LRRC8D: variants seen among roughly 807,000 people sequenced by gnomAD.
LRRC8D encodes the protein leucine rich repeat containing 8 VRAC subunit D, also known as volume-regulated anion channel subunit LRRC8D.
Under a neutral mutation model 55.8 loss-of-function variants are expected in LRRC8D, and 20 were observed. The observed-to-expected ratio is 0.36, with a 90% confidence interval of 0.25 to 0.52. LRRC8D has a LOEUF of 0.52. Ranked by LOEUF, LRRC8D falls within the 20% of genes least tolerant of loss-of-function variation. LRRC8D has a pLI of 0.93. For missense variants in LRRC8D, 651 were observed against 1,030.8 expected (o/e 0.63, Z 5.05); for synonymous variants, 352 against 377.0 (o/e 0.93, Z 0.77).
At chr1:89,873,010 C>T (rs1662060121) in intron 2 of LRRC8D, among the ~76,000 whole-genome samples, 1 of 152,188 alleles carries the variant, frequency 6.6e-6, no homozygotes, top group Non-Finnish European at 1.5e-5. Flanking sequence ...TACAAGCAGG[C>T]TTTTAATCCA....
intron 2 of LRRC8D, among the ~76,000 whole-genome samples, chr1:89,894,286 G>C (rs1315666193): frequency 6.6e-6 from 1 of 152,210 alleles, no homozygotes; most frequent in African/African-American, 2.4e-5. Context: ...AAGGCACCCA[G>C]CCTGTGTAAT....
At chr1:89,920,967 G>C (rs1663402683) in intron 2 of LRRC8D, among the ~76,000 whole-genome samples, 1 of 152,172 alleles carries the variant, frequency 6.6e-6, no homozygotes, top group Non-Finnish European at 1.5e-5. Flanking sequence ...TAAGTCTCTT[G>C]CATGTTCTCC....
intron 2 of LRRC8D, among the ~76,000 whole-genome samples, chr1:89,907,507 C>T (rs1663027709): frequency 6.6e-6 from 1 of 152,046 alleles, no homozygotes; most frequent in South Asian, 2.1e-4. Context: ...TGTTTTAAAT[C>T]GTGTATTGCC....
rs377544331 is a variant in LRRC8D at position 89,910,368 on chromosome 1, A to T, written c.-2-22699A>T. 9.2e-5 allele frequency among the ~76,000 whole-genome samples: 14 copies of T among 152,300 alleles called. 1 individual carries two copies. Among genetic ancestry groups the T allele is most frequent in the Admixed American group, 3.3e-4 (5 of 15,300 alleles). ...GTTTGTGAGGATCAGATTAGTTGGA[A>T]TCCATGGAATTGTCTTTTAAAAAGT... On this transcript the variant is annotated intron_variant, in intron 2 of 2. Coordinates refer to ENST00000337338, the MANE Select transcript of LRRC8D (RefSeq NM_001134479.2).
intron 2 of LRRC8D, among the ~76,000 whole-genome samples, chr1:89,846,406 T>C (rs367731219): frequency 2.6e-5 from 4 of 152,030 alleles, no homozygotes; most frequent in East Asian, 1.9e-4. Flanking sequence ...CTCCAGTTTA[T>C]GGAGAGAGGA....
In LRRC8D at chr1:89,935,189, C is replaced by T; in HGVS notation, c.2121C>T (p.Asn707=). 2.5e-6 allele frequency: 4 copies of T among 1,614,170 alleles called. No individual in the cohort carries two copies. The highest frequency in any genetic ancestry group is 3.4e-6 in the Non-Finnish European group (4 of 1,180,016). ...TIPPSITHVK[N]LESLYFSNNK... ...CTCCCTCTATTACCCATGTCAAAAA[C>T]TTGGAGTCACTTTATTTCTCTAACA... is the stretch of plus-strand genomic sequence containing the variant. Residue 707 remains asparagine (N), a synonymous_variant, in exon 3 of 3, where the codon AAC becomes AAT. Coordinates refer to ENST00000337338, the MANE Select transcript of LRRC8D (RefSeq NM_001134479.2).
At chr1:89,883,869 G>A (rs1396917047) in intron 2 of LRRC8D, among the ~76,000 whole-genome samples, 1 of 152,156 alleles carries the variant, frequency 6.6e-6, no homozygotes, top group Non-Finnish European at 1.5e-5. Flanking sequence ...GAATCTGTCA[G>A]TGGAGAAACA....
chr1:89,922,849 T>C (rs565887502), intron 2 of LRRC8D, among the ~76,000 whole-genome samples: 1 of 152,328 alleles, frequency 6.6e-6, no homozygotes, highest in South Asian at 2.1e-4. Context: ...ATCTGGTTTC[T>C]TTATTTTAAC....
At chr1:89,884,631 G>A (rs757900013) in intron 2 of LRRC8D, among the ~76,000 whole-genome samples, 2 of 152,220 alleles carry the variant, frequency 1.3e-5, no homozygotes, top group Non-Finnish European at 2.9e-5. Flanking sequence ...AACTCTAGAA[G>A]CAGGGTGACC....
chr1:89,920,934 A>G (rs940673621), intron 2 of LRRC8D, among the ~76,000 whole-genome samples: 3 of 152,228 alleles, frequency 2.0e-5, no homozygotes, highest in South Asian at 2.1e-4. Flanking sequence ...ATTTCAATGA[A>G]AGATTTGAGA....
In LRRC8D at chr1:89,936,504, G is replaced by C. The variant is rs1399771977; in HGVS notation, c.*859G>C. 1 of 152,534 alleles carries C rather than the reference G, an allele frequency of 6.6e-6. No individual in the cohort carries two copies. The highest frequency in any genetic ancestry group is 2.4e-5 in the African/African-American group (1 of 41,432). The allele number at this position is 152,534 out of a possible 1,614,324, so 9.4% of individuals were successfully genotyped here. A position where few individuals can be genotyped will look rare whatever the true frequency, so the allele number is the denominator to read the frequency against. On this transcript the variant is annotated 3_prime_UTR_variant, in exon 3 of 3. Coordinates refer to ENST00000337338, the MANE Select transcript of LRRC8D (RefSeq NM_001134479.2). ...TTTGGAAGATAACACAGAATCACAA[G>C]TATCATTTAATTTCTTGCCCTTTTC...
At chr1:89,846,468 G>C (rs1420482552) in intron 2 of LRRC8D, 1 of 152,150 alleles carries the variant, frequency 6.6e-6, no homozygotes, top group Non-Finnish European at 1.5e-5. Flanking sequence ...AAATGGAGTT[G>C]TTGGGACCTG....
chr1:89,860,771 AAAAAAAAAAAAAAAATATATAT>A (rs1327571935), intron 2 of LRRC8D, among the ~76,000 whole-genome samples: 2 of 79,736 alleles, frequency 2.5e-5, no homozygotes, highest in African/African-American at 8.0e-5. Context: ...AAAAAAAAAA[AAAAAAAAAAAAAAAATATATAT>A]ATATATATAT....
chr1:89,854,776 G>A (rs902988735), intron 2 of LRRC8D, among the ~76,000 whole-genome samples: 1 of 152,146 alleles, frequency 6.6e-6, no homozygotes, highest in African/African-American at 2.4e-5. Context: ...AGAGCCTTTG[G>A]GAAGTTGACA....
intron 2 of LRRC8D, among the ~76,000 whole-genome samples, chr1:89,917,410 C>T (rs1277156899): frequency 6.6e-6 from 1 of 152,146 alleles, no homozygotes; most frequent in Non-Finnish European, 1.5e-5. Context: ...CAGCTGAAAA[C>T]ACACCAGTGA....
intron 2 of LRRC8D, among the ~76,000 whole-genome samples, chr1:89,925,972 C>G (rs1557487041): frequency 6.6e-6 from 1 of 152,238 alleles, no homozygotes; most frequent in Non-Finnish European, 1.5e-5. Context: ...TATACCAGAC[C>G]ACTAACTGGG....
At chr1:89,833,122 C>G (rs753876028) in intron 1 of LRRC8D, among the ~76,000 whole-genome samples, 1 of 152,216 alleles carries the variant, frequency 6.6e-6, no homozygotes, top group Non-Finnish European at 1.5e-5. Context: ...CAACGACGAA[C>G]ATAAATTTGC....
At chr1:89,858,686 T>C (rs201861055) in intron 2 of LRRC8D, among the ~76,000 whole-genome samples, 2 of 141,856 alleles carry the variant, frequency 1.4e-5, no homozygotes, top group African/African-American at 5.2e-5. Flanking sequence ...TTTTTTTTTT[T>C]CCTTCCTTAC....
chr1:89,921,037 G>A (rs142242975), intron 2 of LRRC8D, among the ~76,000 whole-genome samples: 1 of 152,310 alleles, frequency 6.6e-6, no homozygotes, highest in East Asian at 1.9e-4. Flanking sequence ...AGTGAAAGTT[G>A]ATATTTGATT....
Sources: allele counts gnomAD v4.1 joint callset (sites outside exome capture counted in the v4.1 genomes callset), GRCh38; gene constraint gnomAD v4.1.1; transcripts MANE v1.5; gene names NCBI Gene and HGNC (gene_info 2026-07-23, HGNC 2026-07-21).